The following MTMR14 variants were observed in gnomAD, a reference collection of about 807,000 sequenced individuals.
The protein encoded by MTMR14 is phosphatidylinositol-3,5-bisphosphate 3-phosphatase MTMR14.
In MTMR14, 48 loss-of-function variants were observed where a neutral mutation model predicts 86.3. That is an observed-to-expected ratio of 0.56 (90% CI 0.44 to 0.71). The LOEUF (loss-of-function observed/expected upper bound fraction) is 0.71. MTMR14 is among the 30% of genes least tolerant of loss of function. The probability of loss-of-function intolerance (pLI) is 0.00; values close to 1 mark genes in which losing one functional copy is unlikely to be tolerated. For missense variants in MTMR14, 780 were observed against 834.6 expected (o/e 0.93, Z 0.81); for synonymous variants, 366 against 326.1 (o/e 1.12, Z -1.32).
At chr3:9,684,531 A>G in intron 10 of MTMR14, 54 bp from the exon 11 acceptor site, 1 of 1,572,040 alleles carries the variant, frequency 6.4e-7, no homozygotes, top group African/African-American at 1.3e-5. Flanking sequence ...CTTCCTGCTC[A>G]TCGGCCCATG....
intron 2 of MTMR14, among the ~76,000 whole-genome samples, chr3:9,661,555 T>C (rs1169608444): frequency 1.3e-5 from 2 of 151,994 alleles, no homozygotes; most frequent in African/African-American, 4.8e-5. Flanking sequence ...AAAATACATA[T>C]TCAGAGTTAT....
chr3:9,664,989 G>A (rs2048164248), intron 3 of MTMR14, among the ~76,000 whole-genome samples: 1 of 152,100 alleles, frequency 6.6e-6, no homozygotes, highest in Non-Finnish European at 1.5e-5. Flanking sequence ...TGGTATGCCT[G>A]TATCAAAATA....
At chr3:9,670,461 C>T (rs1396578676) in intron 5 of MTMR14, among the ~76,000 whole-genome samples, 1 of 152,228 alleles carries the variant, frequency 6.6e-6, no homozygotes, top group Non-Finnish European at 1.5e-5. Flanking sequence ...CTGCCTGTAT[C>T]TGCAGGGCTG....
Position 9,677,347 on chromosome 3 carries a change from G to A in MTMR14, c.782G>A (p.Arg261Gln). The A allele has an allele frequency of 4.3e-6, 7 of 1,614,010 alleles. No individual in the cohort carries two copies. The highest frequency in any genetic ancestry group is 1.7e-4 in the Middle Eastern group (1 of 6,058). The change falls in exon 8 of 19, where the codon CGG becomes CAG. Residue 261 changes from arginine to glutamine, a missense_variant. Coordinates refer to ENST00000296003, the MANE Select transcript of MTMR14 (RefSeq NM_001077525.3). The surrounding 1 kb of genome is among the most constrained non-coding windows in gnomAD (Gnocchi z 4.2). ...GCEFFKEYKD[R>Q]DYMAEGLIFN... Reference sequence around the variant, plus strand: ...GAATTTTTCAAGGAATATAAAGATCGGGATTACATGGCAGAAGGGCTCATA... The same window carrying A: ...GAATTTTTCAAGGAATATAAAGATCAGGATTACATGGCAGAAGGGCTCATA...
chr3:9,649,757 G>C lies in MTMR14; in HGVS notation c.159+15G>C. 1 of 1,613,122 alleles carries C rather than the reference G, an allele frequency of 6.2e-7. No individual in the cohort carries two copies. Among genetic ancestry groups the C allele is most frequent in the Non-Finnish European group, 8.5e-7 (1 of 1,179,682 alleles). ...GCGGCTCTAAGGTGAGATTGGAGGT[G>C]CGATGAGCTGGGGAAGGCTCCTAAC... is the stretch of plus-strand genomic sequence containing the variant. On this transcript the variant is annotated intron_variant, in intron 1 of 18. Transcript: ENST00000296003.
Position 9,682,692 on chromosome 3 carries a change from G to A in MTMR14, c.898-486G>A, listed in dbSNP as rs116630020. 7.1e-3 allele frequency among the ~76,000 whole-genome samples: 1,086 copies of A among 152,316 alleles called. 6 individuals are homozygous for A. Among genetic ancestry groups the A allele is most frequent in the African/African-American group, 0.025 (1,034 of 41,570 alleles). On this transcript the variant is annotated intron_variant, in intron 9 of 18. Coordinates refer to ENST00000296003, the MANE Select transcript of MTMR14 (RefSeq NM_001077525.3). ...TAAATAGCACTAAAAAGCAAATGAA[G>A]CATGTTTGAAAAGGTTGATGTTTTA...
rs77905579 is a variant in MTMR14 at position 9,677,019 on chromosome 3, A to G, written c.752-298A>G. ...GACCTGTAGGACAAAGGGACTTGCA[A>G]TGTGGGGGAAGTGACTGGTGACCAG... is the stretch of plus-strand genomic sequence containing the variant. On this transcript the variant is annotated intron_variant, in intron 7 of 18. Transcript: ENST00000296003. The surrounding 1 kb of genome is among the most constrained non-coding windows in gnomAD (Gnocchi z 4.2). 0.13 allele frequency among the ~76,000 whole-genome samples: 20,051 copies of G among 152,238 alleles called. 1,695 individuals carry two copies. Among genetic ancestry groups the G allele is most frequent in the African/African-American group, 0.24 (10,039 of 41,510 alleles).
chr3:9,659,886 G>GT (rs1402076262), intron 2 of MTMR14: 2 of 453,966 alleles, frequency 4.4e-6, no homozygotes, highest in Non-Finnish European at 8.9e-6. Context: ...TTGTTTGTTT[G>GT]TTTTTAACAG....
chr3:9,679,793 A>T (rs1221255459), intron 9 of MTMR14, among the ~76,000 whole-genome samples: 1 of 152,236 alleles, frequency 6.6e-6, no homozygotes, highest in Non-Finnish European at 1.5e-5. Flanking sequence ...AATTATGAAG[A>T]GGCTGCTAGC....
Position 9,700,873 on chromosome 3 carries a change from C to A in MTMR14, c.1770-917C>A, listed in dbSNP as rs1453406777. On this transcript the variant is annotated intron_variant, in intron 18 of 18. Transcript: ENST00000296003. ...TCACTCTGTTGCCCAGGCTGGAGTG[C>A]AGTGGTGCAGTCTGGCTCACTGTGA... 3 of 150,064 alleles carry A rather than the reference C, an allele frequency of 2.0e-5. No homozygotes were observed. In the Admixed American group the frequency reaches 2.0e-4, roughly 10 times the overall value. The allele number at this position is 150,064 out of a possible 1,614,324, so 9.3% of individuals were successfully genotyped here. A position where few individuals can be genotyped will look rare whatever the true frequency, so the allele number is the denominator to read the frequency against.
Position 9,689,004 on chromosome 3 carries a change from G to A in MTMR14, c.1355G>A (p.Ser452Asn). 6.2e-7 allele frequency: 1 copy of A among 1,613,982 alleles called. No individual in the cohort carries two copies. The change falls in exon 16 of 19, where the codon AGT becomes AAT. Residue 452 changes from serine to asparagine, a missense_variant. Physicochemically the swap from Ser to Asn is conservative, Grantham distance 46. Transcript: ENST00000296003. ...LGSDFSLVMESSPGATGSFTY... is the reference protein window; with the variant it reads ...LGSDFSLVMENSPGATGSFTY... ...AGCGACTTCTCCCTGGTCATGGAGA[G>A]TTCCCCAGGAGCCACTGGGAGCTTC... is the stretch of plus-strand genomic sequence containing the variant.
intron 3 of MTMR14, among the ~76,000 whole-genome samples, chr3:9,663,730 G>A: frequency 6.6e-6 from 1 of 151,018 alleles, no homozygotes; most frequent in East Asian, 2.0e-4. Flanking sequence ...AGCCAGGATT[G>A]TCTCGATCTC....
At position 9,649,663 on chromosome 3, in the gene MTMR14, T is replaced by G; in HGVS notation, c.80T>G (p.Leu27Arg). The change falls in exon 1 of 19, where the codon CTG becomes CGG. Residue 27 changes from leucine (L) to arginine (R), a missense_variant. Physicochemically the swap from Leu to Arg is moderately radical, Grantham distance 102. Transcript: ENST00000296003. The part of the protein sequence containing the change: ...ASSGNQPPQE[L>R]GLGELLEEFS... ...TCAGGCAACCAGCCGCCTCAGGAGC[T>G]GGGGCTTGGGGAGCTGCTGGAGGAG... 6.2e-7 allele frequency: 1 copy of G among 1,601,350 alleles called. No individual in the cohort carries two copies. The highest frequency in any genetic ancestry group is 1.3e-5 in the African/African-American group (1 of 74,754).
rs200835691 is a variant in MTMR14 at position 9,669,425 on chromosome 3, C to T, written c.494-7C>T. 6.2e-7 allele frequency: 1 copy of T among 1,613,822 alleles called. No homozygotes were observed. Among genetic ancestry groups the T allele is most frequent in the African/African-American group, 1.3e-5 (1 of 75,036 alleles). On this transcript the variant is annotated splice_polypyrimidine_tract_variant and splice_region_variant and intron_variant, in intron 4 of 18. Transcript: ENST00000296003. ...CCTCAGTACTGACAGATAGGTTTCT[C>T]TGGCAGGGGGTGCAGATGATGCCTG...
At chr3:9,686,379 G>C (rs1255816829) in intron 13 of MTMR14, among the ~76,000 whole-genome samples, 1 of 152,214 alleles carries the variant, frequency 6.6e-6, no homozygotes, top group East Asian at 1.9e-4. Context: ...TCTGCCTGCA[G>C]AGGGTGGGGC....
chr3:9,684,783 G>A (rs1054849938), intron 11 of MTMR14, 105 bp from the exon 12 acceptor site: 7 of 1,542,668 alleles, frequency 4.5e-6, no homozygotes, highest in Middle Eastern at 3.4e-4. Context: ...GTTTAACCCT[G>A]TCCTTCCGGG....
chr3:9,665,341 T>C (rs2048187669), intron 3 of MTMR14, among the ~76,000 whole-genome samples: 1 of 149,258 alleles, frequency 6.7e-6, no homozygotes, highest in Non-Finnish European at 1.5e-5. Flanking sequence ...CCCACAAAAG[T>C]TTTTAAAACT....
chr3:9,657,080 T>A (rs2047649173), intron 2 of MTMR14, among the ~76,000 whole-genome samples: 1 of 151,918 alleles, frequency 6.6e-6, no homozygotes, highest in African/African-American at 2.4e-5. Flanking sequence ...TCCCAGCTGA[T>A]TTTTTTTAAT....
chr3:9,688,579 G>T, intron 14 of MTMR14, 117 bp from the exon 15 acceptor site: 1 of 1,172,430 alleles, frequency 8.5e-7, no homozygotes, highest in South Asian at 1.3e-5. Flanking sequence ...GCTAGGACCC[G>T]TCTCCACAAG....
Sources: gnomAD v4.1 joint callset for allele counts (sites outside exome capture counted in the v4.1 genomes callset) on GRCh38, gnomAD v4.1.1 for gene constraint, Gnocchi (gnomAD v3.1) non-coding constraint, MANE v1.5 for transcripts, NCBI Gene and HGNC (gene_info 2026-07-23, HGNC 2026-07-21) for gene names.